The following TRPC3 variants were observed in gnomAD, a reference collection of about 807,000 sequenced individuals.
The protein encoded by TRPC3 is transient receptor potential cation channel subfamily C member 3, also known as short transient receptor potential channel 3.
TRPC3 carries 54 observed loss-of-function variants against 90.9 expected under a neutral mutation model. The observed-to-expected ratio is 0.59, with a 90% CI of 0.48 to 0.75. TRPC3 has a LOEUF of 0.75. Ranked by LOEUF, TRPC3 falls within the 30% of genes least tolerant of loss-of-function variation. The pLI is 0.00. For synonymous variants in TRPC3, 424 were observed against 450.9 expected (o/e 0.94, Z 0.75); for missense variants, 918 against 1,194.5 (o/e 0.77, Z 3.41).
At chr4:121,910,747 A>C (rs777896307) in intron 5 of TRPC3, among the ~76,000 whole-genome samples, 10 of 152,330 alleles carry the variant, frequency 6.6e-5, no homozygotes, top group Non-Finnish European at 1.2e-4. Flanking sequence ...CTTTTGGAGA[A>C]GAAAATATGT....
At chr4:121,884,070 A>G (rs1228287176) in intron 10 of TRPC3, among the ~76,000 whole-genome samples, 2 of 152,200 alleles carry the variant, frequency 1.3e-5, no homozygotes, top group African/African-American at 2.4e-5. Context: ...AGTATTTTCA[A>G]TGTAATGTTA....
intron 2 of TRPC3, among the ~76,000 whole-genome samples, chr4:121,926,874 A>G (rs1037447757): frequency 7.2e-5 from 11 of 152,228 alleles, no homozygotes; most frequent in African/African-American, 1.9e-4. Flanking sequence ...GCAAATTCTC[A>G]GACCCCAGCC....
rs1416689535 is a variant in TRPC3, at chr4:121,951,651, T to C, written c.30A>G (p.Glu10=). Residue 10 remains glutamate, a synonymous_variant, in exon 1 of 12, where the codon GAA becomes GAG. Coordinates refer to ENST00000379645, the MANE Select transcript of TRPC3 (RefSeq NM_001130698.2). The surrounding 1 kb of genome is among the most constrained non-coding windows in gnomAD (Gnocchi z 4.4). MSTKVRKCK[E]QARVTFPAPE... ...GCGCCGGGAAGGTCACCCTTGCTTG[T>C]TCTTTGCACTTCCTGACCTTGGTGG... 5 of 1,384,438 alleles carry C rather than the reference T, an allele frequency of 3.6e-6. No homozygotes were observed. Among genetic ancestry groups the C allele is most frequent in the Non-Finnish European group, 4.7e-6 (5 of 1,059,670 alleles). 85.8% of individuals were successfully genotyped at this position (1,384,438 alleles called of 1,614,324 possible). A position where few individuals can be genotyped will look rare whatever the true frequency, so the allele number is the denominator to read the frequency against.
intron 1 of TRPC3, among the ~76,000 whole-genome samples, chr4:121,938,307 C>T (rs1175567990): frequency 6.6e-6 from 1 of 152,184 alleles, no homozygotes; most frequent in African/African-American, 2.4e-5. Flanking sequence ...GCTCCCACTC[C>T]TAACATTTGT....
chr4:121,893,929 C>A (rs1200822467), intron 10 of TRPC3, among the ~76,000 whole-genome samples: 1 of 152,014 alleles, frequency 6.6e-6, no homozygotes, highest in Non-Finnish European at 1.5e-5. Context: ...AAGATAAAAA[C>A]CTTTGGTAAC....
chr4:121,948,877 T>G (rs1304664751), intron 1 of TRPC3, among the ~76,000 whole-genome samples: 21 of 151,976 alleles, frequency 1.4e-4, no homozygotes, highest in Non-Finnish European at 2.6e-4. Flanking sequence ...TGTTGTTGTT[T>G]TTTTTTAAAA....
At chr4:121,892,865 A>T (rs972718477) in intron 10 of TRPC3, among the ~76,000 whole-genome samples, 2 of 152,130 alleles carry the variant, frequency 1.3e-5, no homozygotes, top group Non-Finnish European at 2.9e-5. Context: ...TCATACCTTT[A>T]ATCCCAGCAT....
At chr4:121,922,698 C>T (rs1729565192) in intron 3 of TRPC3, among the ~76,000 whole-genome samples, 1 of 152,150 alleles carries the variant, frequency 6.6e-6, no homozygotes, top group South Asian at 2.1e-4. Context: ...AATCAATTCT[C>T]TCAGGTGCCA....
At chr4:121,894,342 C>T (rs1252200496) in intron 10 of TRPC3, among the ~76,000 whole-genome samples, 2 of 151,892 alleles carry the variant, frequency 1.3e-5, no homozygotes, top group Non-Finnish European at 2.9e-5. Context: ...TACTAGAGCA[C>T]TCAGATATAT....
intron 9 of TRPC3, among the ~76,000 whole-genome samples, chr4:121,901,204 G>T (rs143871543): frequency 2.4e-4 from 36 of 152,298 alleles, no homozygotes; most frequent in African/African-American, 8.4e-4. Context: ...TTGCAATAAA[G>T]CTTCAGTTAA....
chr4:121,899,526 C>T (rs1170065710), intron 10 of TRPC3, 86 bp downstream of exon 10: 2 of 1,128,144 alleles, frequency 1.8e-6, no homozygotes, highest in African/African-American at 1.5e-5. Flanking sequence ...AAGAATATAA[C>T]TCAACTCATG....
In TRPC3 at chr4:121,935,419, G is replaced by GGTGTGTGTGT. The variant is rs34252770; in HGVS notation, c.216-2387_216-2378dup. Among the ~76,000 whole-genome samples, 481 of 147,328 alleles carry GGTGTGTGTGT rather than the reference G, an allele frequency of 3.3e-3. 5 individuals carry two copies. Among genetic ancestry groups the GGTGTGTGTGT allele is most frequent in the African/African-American group, 0.011 (447 of 39,804 alleles). ...AGTCTGAGTTGGGGGACATGTGTGGGGTGTGTGTGTGTGTGTGTGTGTGTG... is the reference window on the plus strand; with the variant it reads ...AGTCTGAGTTGGGGGACATGTGTGGGGTGTGTGTGTGTGTGTGTGTGTGTGTGTGTGTGTG... On this transcript the variant is annotated intron_variant, in intron 1 of 11. Coordinates refer to ENST00000379645, the MANE Select transcript of TRPC3 (RefSeq NM_001130698.2).
At chr4:121,883,068 T>C (rs775039977) in intron 10 of TRPC3, among the ~76,000 whole-genome samples, 4 of 152,118 alleles carry the variant, frequency 2.6e-5, no homozygotes, top group Non-Finnish European at 4.4e-5. Flanking sequence ...AATGCTCTTC[T>C]AGGATAACTG....
intron 10 of TRPC3, among the ~76,000 whole-genome samples, chr4:121,898,847 A>G (rs1045545321): frequency 6.6e-6 from 1 of 152,160 alleles, no homozygotes; most frequent in Non-Finnish European, 1.5e-5. Context: ...AAATAAACAA[A>G]TATGTAAAAT....
chr4:121,906,676 G>C (rs2149121719), intron 7 of TRPC3, among the ~76,000 whole-genome samples: 1 of 152,148 alleles, frequency 6.6e-6, no homozygotes, highest in Middle Eastern at 3.4e-3. Context: ...TGCAGTAGAA[G>C]GGGGGCCCTA....
At chr4:121,907,999 G>C (rs1728946863) in intron 6 of TRPC3, among the ~76,000 whole-genome samples, 1 of 152,100 alleles carries the variant, frequency 6.6e-6, no homozygotes, top group Admixed American at 6.6e-5. Flanking sequence ...GGGAAAATTA[G>C]TTCATCCAAC....
At chr4:121,921,468 G>A (rs1001252895) in intron 3 of TRPC3, among the ~76,000 whole-genome samples, 1 of 139,414 alleles carries the variant, frequency 7.2e-6, no homozygotes. Flanking sequence ...CTTGCAGTGA[G>A]CCGAGATCGC....
In TRPC3 at chr4:121,911,965, G is replaced by C. The variant is rs1336286824; in HGVS notation, c.1470C>G (p.Ile490Met). Residue 490 changes from isoleucine to methionine, a missense_variant, in exon 5 of 12, where the codon ATC becomes ATG. Coordinates refer to ENST00000379645, the MANE Select transcript of TRPC3 (RefSeq NM_001130698.2). ...RFEGITTLPN[I>M]TVTDYPKQIF... The stretch of plus-strand genomic sequence containing the variant: ...TCTGTTTGGGATAGTCAGTAACTGT[G>C]ATATTGGGCAGCGTGGTGATGCCTT... 1.2e-6 allele frequency: 2 copies of C among 1,613,804 alleles called. No homozygotes were observed. Among genetic ancestry groups the C allele is most frequent in the African/African-American group, 2.7e-5 (2 of 74,892 alleles).
At chr4:121,905,657 A>T (rs887726270) in intron 7 of TRPC3, among the ~76,000 whole-genome samples, 6 of 152,150 alleles carry the variant, frequency 3.9e-5, no homozygotes, top group African/African-American at 1.4e-4. Context: ...AAGATTTGTG[A>T]AAAAGTACGT....
Sources: allele counts gnomAD v4.1 joint callset (sites outside exome capture counted in the v4.1 genomes callset), GRCh38; gene constraint gnomAD v4.1.1; non-coding constraint Gnocchi (gnomAD v3.1); transcripts MANE v1.5; gene names NCBI Gene and HGNC (gene_info 2026-07-23, HGNC 2026-07-21).